TYW1: variants seen among roughly 807,000 people sequenced by gnomAD.
TYW1 encodes the protein S-adenosyl-L-methionine-dependent tRNA 4-demethylwyosine synthase TYW1.
TYW1 carries 46 observed loss-of-function variants against 96.2 expected under a neutral mutation model. The observed-to-expected ratio is 0.48, with a 90% CI of 0.38 to 0.61. TYW1 has a LOEUF of 0.61. Among genes scored for constraint, TYW1 ranks in the 20% least tolerant of loss-of-function variants. TYW1 has a pLI of 0.00. For synonymous variants in TYW1, 274 were observed against 323.0 expected, an observed-to-expected ratio of 0.85 and a Z score of 1.63; for missense variants, 684 against 909.6, an observed-to-expected ratio of 0.75 and a Z score of 3.19.
chr7:67,181,610 GT>G (rs1378515365), intron 13 of TYW1, among the ~76,000 whole-genome samples: 1 of 150,334 alleles, frequency 6.7e-6, no homozygotes, highest in East Asian at 1.9e-4. Flanking sequence ...TCACTTTACT[GT>G]TTTTTTTTCT....
rs1799891634 is a variant in TYW1, at chr7:67,183,152, G to A, written c.1725G>A (p.Thr575=). The A allele has an allele frequency of 1.2e-6, 2 of 1,612,420 alleles. No individual in the cohort carries two copies. Among genetic ancestry groups the A allele is most frequent in the Non-Finnish European group, 1.7e-6 (2 of 1,179,144 alleles). The part of the protein sequence containing the change: ...VKQQRTVYRL[T]LVKAWNVDEL... ...AACAACGAACTGTCTACAGACTGAC[G>A]CTCGTGAAAGCATGGAACGTGGACG... The change falls in exon 14 of 16, where the codon ACG becomes ACA. Residue 575 remains threonine (T), a synonymous_variant. Transcript: ENST00000359626.
At chr7:67,166,311 TATATAATATATAACATATATAA>T (rs1799321002) in intron 13 of TYW1, among the ~76,000 whole-genome samples, 2 of 143,998 alleles carry the variant, frequency 1.4e-5, no homozygotes. Flanking sequence ...GTACTTTTTA[TATATAATATATAACATATATAA>T]TATATATAAT....
At chr7:67,193,348 T>G (rs1002783632) in intron 14 of TYW1, among the ~76,000 whole-genome samples, 1 of 152,206 alleles carries the variant, frequency 6.6e-6, no homozygotes, top group African/African-American at 2.4e-5. Flanking sequence ...AGTGCACCAG[T>G]CATCTGTTTG....
At chr7:67,018,771 C>G (rs112239417) in intron 6 of TYW1, among the ~76,000 whole-genome samples, 16,533 of 151,524 alleles carry the variant, frequency 0.11, 944 homozygotes, top group Middle Eastern at 0.15. Context: ...TTCTGGCCAA[C>G]GTGGCGAAAC....
chr7:67,166,059 C>T (rs117954181), intron 13 of TYW1, among the ~76,000 whole-genome samples: 19,987 of 151,906 alleles, frequency 0.13, 1,624 homozygotes, highest in East Asian at 0.29. Context: ...GACAATATAG[C>T]GACACTCCAT....
intron 13 of TYW1, among the ~76,000 whole-genome samples, chr7:67,140,075 CA>C (rs34707013): frequency 0.26 from 39,151 of 150,828 alleles, 5,562 homozygotes; most frequent in African/African-American, 0.38. Context: ...TGGTGGCAGG[CA>C]AAAAAAATGA....
chr7:67,153,841 C>T (rs1322355048), intron 13 of TYW1, among the ~76,000 whole-genome samples: 1 of 151,794 alleles, frequency 6.6e-6, no homozygotes, highest in South Asian at 2.1e-4. Flanking sequence ...ATGTGTTTTA[C>T]CTCTTTGTAT....
chr7:67,153,900 A>G (rs566261440), intron 13 of TYW1, among the ~76,000 whole-genome samples: 1 of 147,570 alleles, frequency 6.8e-6, no homozygotes, highest in South Asian at 2.2e-4. Context: ...TATTCCATGG[A>G]TATGTCATTC....
At chr7:67,050,781 T>G (rs1339565142) in intron 8 of TYW1, among the ~76,000 whole-genome samples, 1 of 152,232 alleles carries the variant, frequency 6.6e-6, no homozygotes, top group Non-Finnish European at 1.5e-5. Context: ...TCCCTTTTCC[T>G]GTTTTTCTGT....
chr7:67,142,793 G>A (rs182724560), intron 13 of TYW1, among the ~76,000 whole-genome samples: 144 of 152,202 alleles, frequency 9.5e-4, no homozygotes, highest in Non-Finnish European at 1.8e-3. Context: ...GCTTATGCCT[G>A]TAATCCCAAC....
chr7:67,032,885 C>CATTTTTTTT (rs1794712064), intron 7 of TYW1, among the ~76,000 whole-genome samples: 1 of 76,256 alleles, frequency 1.3e-5, no homozygotes, highest in Admixed American at 1.9e-4. Flanking sequence ...AGAAGTATAC[C>CATTTTTTTT]TTTTTTTTTT....
At chr7:67,010,838 T>C (rs1332447524) in intron 4 of TYW1, among the ~76,000 whole-genome samples, 1 of 152,074 alleles carries the variant, frequency 6.6e-6, no homozygotes, top group East Asian at 1.9e-4. Flanking sequence ...ACTCCTGGCC[T>C]CAGTCTCCCA....
At chr7:67,045,283 T>A (rs1380925312) in intron 7 of TYW1, among the ~76,000 whole-genome samples, 1 of 152,118 alleles carries the variant, frequency 6.6e-6, no homozygotes, top group Admixed American at 6.6e-5. Context: ...TGATCATAGC[T>A]CACCACAGCC....
At chr7:67,057,864 T>C (rs1051321111) in intron 9 of TYW1, among the ~76,000 whole-genome samples, 2 of 152,228 alleles carry the variant, frequency 1.3e-5, no homozygotes, top group African/African-American at 4.8e-5. Context: ...TCCATAAAGG[T>C]ATCTTTTGAA....
At chr7:67,042,778 C>T (rs1430985058) in intron 7 of TYW1, among the ~76,000 whole-genome samples, 1 of 151,966 alleles carries the variant, frequency 6.6e-6, no homozygotes, top group Non-Finnish European at 1.5e-5. Flanking sequence ...TGGTGGATCA[C>T]CTGAGGTCTG....
chr7:67,124,752 G>T (rs1221520900), intron 13 of TYW1, among the ~76,000 whole-genome samples: 1 of 152,084 alleles, frequency 6.6e-6, no homozygotes, highest in Admixed American at 6.5e-5. Context: ...CCATGATTTT[G>T]CAAGTAATAG....
At chr7:67,123,249 C>T (rs1024609189) in intron 13 of TYW1, among the ~76,000 whole-genome samples, 1 of 152,050 alleles carries the variant, frequency 6.6e-6, no homozygotes, top group African/African-American at 2.4e-5. Context: ...AACCGTGGGA[C>T]CCCTATCCAC....
At chr7:67,073,802 G>A (rs1021696660) in intron 10 of TYW1, among the ~76,000 whole-genome samples, 3 of 142,676 alleles carry the variant, frequency 2.1e-5, no homozygotes, top group Admixed American at 1.4e-4. Context: ...AAGAAATATG[G>A]CCAGGCGCGG....
chr7:67,221,071 A>G (rs1432994084), intron 15 of TYW1, among the ~76,000 whole-genome samples: 4 of 152,222 alleles, frequency 2.6e-5, no homozygotes, highest in Non-Finnish European at 5.9e-5. Flanking sequence ...TGTTGTATCT[A>G]TGAATGAGAA....
Sources: allele counts gnomAD v4.1 joint callset (sites outside exome capture counted in the v4.1 genomes callset), GRCh38; gene constraint gnomAD v4.1.1; transcripts MANE v1.5; gene names NCBI Gene and HGNC (gene_info 2026-07-23, HGNC 2026-07-21).